Variants in LIMK2 observed in about 807,000 individuals in gnomAD.
LIMK2 encodes the protein LIM domain kinase 2.
In LIMK2, 35 loss-of-function variants were observed where a neutral mutation model predicts 75.7. The ratio of observed to expected loss-of-function variants is 0.46; its 90% CI spans 0.35 to 0.61. The LOEUF is 0.61. Among genes scored for constraint, LIMK2 ranks in the 20% least tolerant of loss-of-function variants. The pLI, the probability that LIMK2 is intolerant of heterozygous loss-of-function variation, is 0.00. For missense variants in LIMK2, 623 were observed against 831.0 expected (o/e 0.75, Z 3.08); for synonymous variants, 301 against 319.2 (o/e 0.94, Z 0.61).
intron 2 of LIMK2, among the ~76,000 whole-genome samples, chr22:31,227,294 C>T (rs1231659696): frequency 1.3e-5 from 2 of 152,200 alleles, no homozygotes; most frequent in African/African-American, 4.8e-5. Flanking sequence ...TAGGCAGGCA[C>T]CTTGTGCTGT....
chr22:31,271,618 TC>T (rs759005260), intron 12 of LIMK2, among the ~76,000 whole-genome samples: 33 of 152,270 alleles, frequency 2.2e-4, no homozygotes, highest in Non-Finnish European at 3.7e-4. Context: ...CCAGCATTCC[TC>T]CCACTGCCCC....
At chr22:31,217,583 A>G (rs975983547) in intron 1 of LIMK2, among the ~76,000 whole-genome samples, 2 of 152,218 alleles carry the variant, frequency 1.3e-5, no homozygotes, top group African/African-American at 4.8e-5. Context: ...TGCTTAGGAC[A>G]TTGTCTGGCA....
intron 2 of LIMK2, among the ~76,000 whole-genome samples, chr22:31,253,334 G>A (rs1265565555): frequency 1.3e-5 from 2 of 152,216 alleles, no homozygotes; most frequent in Non-Finnish European, 2.9e-5. Context: ...GCTTTGGGAA[G>A]AACGTATGAT....
In LIMK2 at chr22:31,258,296, C is replaced by A; in HGVS notation, c.122C>A (p.Ser41Ter). ...ETWHGSCFRC[S>*]ECQDSLTNWY... is the part of the protein sequence containing the mutation. ...GTTCTTGTCTTGCCTTTCAGGTGTT[C>A]AGAATGCCAGGATTCCCTCACCAAC... The change falls in exon 3 of 16, where the codon TCA (serine) becomes TAA (stop). Residue 41 changes from serine (S) to a stop codon, truncating the protein, a stop_gained. Transcript: ENST00000331728. LOFTEE classifies it high-confidence loss of function. 1 of 1,601,694 alleles carries A rather than the reference C, an allele frequency of 6.2e-7. No homozygotes were observed. Among genetic ancestry groups the A allele is most frequent in the South Asian group, 1.1e-5 (1 of 89,994 alleles).
intron 1 of LIMK2, among the ~76,000 whole-genome samples, chr22:31,218,059 A>G (rs984617285): frequency 5.3e-5 from 8 of 152,162 alleles, no homozygotes; most frequent in Non-Finnish European, 1.0e-4. Flanking sequence ...TCCCCAGCCA[A>G]CTTCCTAGAT....
chr22:31,216,582 C>T (rs1424083105), intron 1 of LIMK2, among the ~76,000 whole-genome samples: 3 of 152,088 alleles, frequency 2.0e-5, no homozygotes, highest in East Asian at 1.9e-4. Flanking sequence ...AAGAAGGCAC[C>T]AACCAATAAA....
chr22:31,221,873 C>G (rs1438036512), intron 1 of LIMK2, among the ~76,000 whole-genome samples: 2 of 152,136 alleles, frequency 1.3e-5, no homozygotes. Flanking sequence ...GTGTCAGATG[C>G]ATAGTTGGCA....
intron 13 of LIMK2, 79 bp downstream of exon 13, chr22:31,272,783 A>G (rs1329500169): frequency 1.3e-6 from 2 of 1,499,020 alleles, no homozygotes; most frequent in Non-Finnish European, 1.8e-6. Context: ...TGGGAATTCC[A>G]GGGGAGGCCT....
At chr22:31,252,319 G>A (rs2048732903) in intron 2 of LIMK2, among the ~76,000 whole-genome samples, 1 of 152,098 alleles carries the variant, frequency 6.6e-6, no homozygotes, top group Non-Finnish European at 1.5e-5. Flanking sequence ...AAGGCTGGAG[G>A]ATCACCTGAG....
At chr22:31,253,395 C>T (rs897224827) in intron 2 of LIMK2, among the ~76,000 whole-genome samples, 1 of 152,258 alleles carries the variant, frequency 6.6e-6, no homozygotes, top group Admixed American at 6.5e-5. Flanking sequence ...TAGCACCTTA[C>T]AGTTCCAAAG....
chr22:31,277,399 A>C, intron 15 of LIMK2: 2 of 1,243,958 alleles, frequency 1.6e-6, no homozygotes, highest in Non-Finnish European at 1.0e-6. Flanking sequence ...GAGGTAGGGT[A>C]CGCCTTTGGT....
chr22:31,278,028 T>G (rs2049049859), intron 15 of LIMK2, among the ~76,000 whole-genome samples: 1 of 152,160 alleles, frequency 6.6e-6, no homozygotes, highest in Admixed American at 6.5e-5. Flanking sequence ...TAACTGCATT[T>G]TCTCTAAGAT....
intron 2 of LIMK2, among the ~76,000 whole-genome samples, chr22:31,234,296 G>A (rs2048552838): frequency 6.8e-6 from 1 of 147,796 alleles, no homozygotes; most frequent in Non-Finnish European, 1.5e-5. Flanking sequence ...ACAGGTGTGA[G>A]CCACTGCACC....
intron 1 of LIMK2, among the ~76,000 whole-genome samples, chr22:31,215,214 C>T (rs2048380429): frequency 6.6e-6 from 1 of 152,226 alleles, no homozygotes; most frequent in African/African-American, 2.4e-5. Context: ...GCTTCCTCCT[C>T]TCTGTAGCAC....
At position 31,212,363 on chromosome 22, in the gene LIMK2, GC is replaced by G; in HGVS notation, c.-45del. ...GAGTTGTAGGGAACTGAGGGGAGCT[GC>G]TGTGTCCCCCGCCTCCTCCTCCCCA... On this transcript the variant is annotated 5_prime_UTR_variant, in exon 1 of 16. Transcript: ENST00000331728. 1 of 1,332,464 alleles carries G rather than the reference GC, an allele frequency of 7.5e-7. No homozygotes were observed. The highest frequency in any genetic ancestry group is 3.0e-5 in the Admixed American group (1 of 33,334). The allele number at this position is 1,332,464 out of a possible 1,614,324, so 82.5% of individuals were successfully genotyped here. A position where few individuals can be genotyped will look rare whatever the true frequency, so the allele number is the denominator to read the frequency against.
Position 31,268,292 on chromosome 22 carries a change from T to A in LIMK2, c.1317+92T>A, listed in dbSNP as rs181333704. The A allele has an allele frequency of 6.7e-6, 7 of 1,038,834 alleles. No homozygotes were observed. The East Asian group carries it at 1.4e-4, about 21-fold the overall frequency. The allele number at this position is 1,038,834 out of a possible 1,614,324, so 64.4% of individuals were successfully genotyped here. On this transcript the variant is annotated intron_variant, in intron 11 of 15. Coordinates refer to ENST00000331728, the MANE Select transcript of LIMK2 (RefSeq NM_005569.4). ...ACTGGAAGGTAGAGACCCCTTCCTA[T>A]GCAACTTGTGTGGGCTGGGTCAGCA...
chr22:31,220,975 A>T (rs547737348), intron 1 of LIMK2, among the ~76,000 whole-genome samples: 16 of 151,230 alleles, frequency 1.1e-4, no homozygotes, highest in East Asian at 1.9e-4. Flanking sequence ...AAAAAAAAAA[A>T]TTTTTTTTTT....
chr22:31,230,092 T>C (rs1017184426), intron 2 of LIMK2: 2 of 149,486 alleles, frequency 1.3e-5, no homozygotes, highest in African/African-American at 4.9e-5. Flanking sequence ...GAAGTGAAAT[T>C]GTGGGAGTGG....
At chr22:31,247,032 G>T (rs913933296) in intron 2 of LIMK2, among the ~76,000 whole-genome samples, 7 of 152,228 alleles carry the variant, frequency 4.6e-5, no homozygotes, top group Non-Finnish European at 8.8e-5. Context: ...CCTGTGTCCA[G>T]TTGGTGGAAT....
Sources: gnomAD v4.1 joint callset for allele counts (sites outside exome capture counted in the v4.1 genomes callset) on GRCh38, gnomAD v4.1.1 for gene constraint, MANE v1.5 for transcripts, NCBI Gene and HGNC (gene_info 2026-07-23, HGNC 2026-07-21) for gene names.